Variants in RANBP2 observed in about 807,000 individuals in gnomAD.
RANBP2 encodes the protein E3 SUMO-protein ligase RanBP2.
RANBP2 carries 57 observed loss-of-function variants against 303.6 expected under a neutral mutation model. The ratio of observed to expected loss-of-function variants is 0.19; its 90% CI spans 0.15 to 0.23. The LOEUF is 0.23. Among genes scored for constraint, RANBP2 ranks in the 10% least tolerant of loss-of-function variants. RANBP2 has a pLI of 1.00. For synonymous variants in RANBP2, 1,167 were observed against 1,301.5 expected (o/e 0.90, Z 2.23); for missense variants, 3,138 against 3,780.8 (o/e 0.83, Z 4.46).
the RANBP2 span, among the ~76,000 whole-genome samples, chr2:109,437,678 A>T: frequency 6.6e-6 from 1 of 151,494 alleles, no homozygotes; most frequent in African/African-American, 2.4e-5. Flanking sequence ...AGGCAGGAGG[A>T]ATGACAGCTG....
At chr2:108,741,136 G>A (rs944503642) in intron 7 of RANBP2, among the ~76,000 whole-genome samples, 8 of 152,124 alleles carry the variant, frequency 5.3e-5, no homozygotes, top group African/African-American at 1.9e-4. Flanking sequence ...ATTTATGACT[G>A]TATTGTGTAT....
At chr2:109,214,730 T>A in the RANBP2 span, among the ~76,000 whole-genome samples, 1 of 152,166 alleles carries the variant, frequency 6.6e-6, no homozygotes, top group Non-Finnish European at 1.5e-5. Flanking sequence ...CAGCTGCAAC[T>A]CTGGTGACAT....
chr2:108,817,228 A>C, the RANBP2 span, among the ~76,000 whole-genome samples: 1 of 152,198 alleles, frequency 6.6e-6, no homozygotes, highest in African/African-American at 2.4e-5. Context: ...TCAGAGACTC[A>C]ACCCCCTCTT....
chr2:109,523,754 G>C, the RANBP2 span, among the ~76,000 whole-genome samples: 4 of 151,984 alleles, frequency 2.6e-5, no homozygotes, highest in Admixed American at 1.3e-4. Flanking sequence ...GAACTGCCTG[G>C]GTACAGTCTC....
the RANBP2 span, among the ~76,000 whole-genome samples, chr2:109,365,051 A>AAAACAAACAAAC: frequency 0.018 from 2,678 of 151,588 alleles, 55 homozygotes; most frequent in East Asian, 0.049. Flanking sequence ...ACACACATAT[A>AAAACAAACAAAC]AAACAAACAA....
the RANBP2 span, among the ~76,000 whole-genome samples, chr2:109,343,780 T>C: frequency 1.3e-5 from 2 of 151,020 alleles, no homozygotes; most frequent in South Asian, 4.2e-4. Flanking sequence ...GTTCTTGCCC[T>C]GTCACCTAGG....
At chr2:108,913,949 CAA>C in the RANBP2 span, among the ~76,000 whole-genome samples, 101 of 109,130 alleles carry the variant, frequency 9.3e-4, no homozygotes, top group African/African-American at 3.5e-3. Flanking sequence ...GATTCCGTCT[CAA>C]AAAAAAAAAA....
chr2:109,093,859 GAA>G, the RANBP2 span, among the ~76,000 whole-genome samples: 40 of 152,308 alleles, frequency 2.6e-4, no homozygotes, highest in African/African-American at 8.7e-4. Context: ...GACTCCTGGG[GAA>G]AATCAGAGGC....
intron 1 of RANBP2, 121 bp from the exon 2 acceptor site, chr2:108,729,011 C>A: frequency 8.0e-7 from 1 of 1,252,006 alleles, no homozygotes. Flanking sequence ...TTTAAAAAAA[C>A]TTTTAAGTGA....
At chr2:109,589,501 G>T in the RANBP2 span, among the ~76,000 whole-genome samples, 2 of 151,954 alleles carry the variant, frequency 1.3e-5, no homozygotes, top group African/African-American at 4.8e-5. Context: ...CTGTGCTCCA[G>T]CCTGGAAGAC....
chr2:108,956,792 T>TG, the RANBP2 span, among the ~76,000 whole-genome samples: 1 of 130,442 alleles, frequency 7.7e-6, no homozygotes, highest in African/African-American at 3.4e-5. Flanking sequence ...CTCTTTTTTT[T>TG]TTTGTTTTTT....
chr2:109,136,135 C>G, the RANBP2 span, among the ~76,000 whole-genome samples: 1 of 152,102 alleles, frequency 6.6e-6, no homozygotes, highest in Non-Finnish European at 1.5e-5. Flanking sequence ...ATTCGGGGCT[C>G]AGTTTTGCAA....
chr2:108,962,425 G>C, the RANBP2 span, among the ~76,000 whole-genome samples: 1 of 152,112 alleles, frequency 6.6e-6, no homozygotes, highest in Non-Finnish European at 1.5e-5. Flanking sequence ...TGTAATCCCA[G>C]CACTTTGGGA....
the RANBP2 span, among the ~76,000 whole-genome samples, chr2:108,817,838 T>C: frequency 1.3e-5 from 2 of 152,210 alleles, no homozygotes; most frequent in East Asian, 3.8e-4. Context: ...TGTTTAAATG[T>C]TAAGTTTGTG....
the RANBP2 span, among the ~76,000 whole-genome samples, chr2:109,010,870 G>A: frequency 6.6e-6 from 1 of 152,182 alleles, no homozygotes; most frequent in Non-Finnish European, 1.5e-5. Context: ...AGCAGCAGCT[G>A]GATGGCAGAG....
At chr2:108,903,204 CG>C in the RANBP2 span, among the ~76,000 whole-genome samples, 8 of 152,092 alleles carry the variant, frequency 5.3e-5, no homozygotes, top group Admixed American at 1.3e-4. Flanking sequence ...ACTTGTATTT[CG>C]GAAGCTACAC....
chr2:108,876,269 A>G, the RANBP2 span: 1 of 1,487,114 alleles, frequency 6.7e-7, no homozygotes, highest in East Asian at 2.3e-5. Flanking sequence ...CTAATTTTTT[A>G]ATATAGTATA....
At chr2:109,184,940 T>C in the RANBP2 span, among the ~76,000 whole-genome samples, 4 of 152,374 alleles carry the variant, frequency 2.6e-5, no homozygotes, top group Admixed American at 1.3e-4. Context: ...ACATTTTCCA[T>C]TTATTTCCAC....
At chr2:109,085,857 G>C in the RANBP2 span, among the ~76,000 whole-genome samples, 34 of 146,246 alleles carry the variant, frequency 2.3e-4, 1 homozygote, top group East Asian at 6.8e-3. Context: ...CACCCACCTT[G>C]GCCTCCCAAA....
Sources: gnomAD v4.1 joint callset for allele counts (sites outside exome capture counted in the v4.1 genomes callset) on GRCh38, gnomAD v4.1.1 for gene constraint, MANE v1.5 for transcripts, NCBI Gene and HGNC (gene_info 2026-07-23, HGNC 2026-07-21) for gene names.